The following GMDS variants were observed in gnomAD, a reference collection of about 807,000 sequenced individuals.
GMDS encodes the protein GDP-mannose 4,6-dehydratase.
A neutral mutation model predicts 49.9 loss-of-function variants in GMDS; 20 were observed. That is an observed-to-expected ratio of 0.40 (90% CI 0.28 to 0.58). The LOEUF (loss-of-function observed/expected upper bound fraction) is 0.58, where lower values mean the gene tolerates loss of function less well. Among genes scored for constraint, GMDS ranks in the 20% least tolerant of loss-of-function variants. The pLI, the probability that GMDS is intolerant of heterozygous loss-of-function variation, is 0.42. For missense variants in GMDS, 362 were observed against 481.4 expected (o/e 0.75, Z 2.32); for synonymous variants, 177 against 178.6 (o/e 0.99, Z 0.07).
Position 1,836,350 on chromosome 6 carries a change from A to G in GMDS, c.771+93753T>C, listed in dbSNP as rs1339497695. Among the ~76,000 whole-genome samples, 1 of 152,226 alleles carries G rather than the reference A, an allele frequency of 6.6e-6. No individual in the cohort carries two copies. The highest frequency in any genetic ancestry group is 1.5e-5 in the Non-Finnish European group (1 of 68,042). On this transcript the variant is annotated intron_variant, in intron 7 of 10. Coordinates refer to ENST00000380815, the MANE Select transcript of GMDS (RefSeq NM_001500.4). This position sits in a 1 kb window ranked among gnomAD's most constrained non-coding sequence, Gnocchi z 4.2. ...CCAAATGAAATGCTCACAGATCGGC[A>G]TATGTATGTTACCACGTCACCATCA...
chr6:1,677,112 G>A (rs1257169407), intron 9 of GMDS, among the ~76,000 whole-genome samples: 2 of 152,184 alleles, frequency 1.3e-5, no homozygotes, highest in Non-Finnish European at 2.9e-5. Flanking sequence ...ATCAAAAAGT[G>A]GGCAAAGGAT....
intron 4 of GMDS, among the ~76,000 whole-genome samples, chr6:2,096,742 A>G (rs1181113170): frequency 1.3e-5 from 2 of 152,220 alleles, no homozygotes. Context: ...TATTTGACCT[A>G]TGCCAAAAAG....
intron 9 of GMDS, among the ~76,000 whole-genome samples, chr6:1,663,250 A>G (rs979287831): frequency 6.6e-6 from 1 of 152,212 alleles, no homozygotes; most frequent in African/African-American, 2.4e-5. Flanking sequence ...GATGCTGGGA[A>G]GTGATGGCAA....
chr6:2,039,052 T>C (rs531151710), intron 4 of GMDS, among the ~76,000 whole-genome samples: 5 of 152,224 alleles, frequency 3.3e-5, no homozygotes, highest in Non-Finnish European at 7.3e-5. Flanking sequence ...TACAGCCTAC[T>C]ATACGCCTAG....
intron 4 of GMDS, among the ~76,000 whole-genome samples, chr6:2,031,690 C>G (rs1768974399): frequency 6.6e-6 from 1 of 152,154 alleles, no homozygotes; most frequent in Non-Finnish European, 1.5e-5. Context: ...GGTAGGAAAT[C>G]TGGGCTCAGG....
At chr6:1,920,861 G>A (rs908589281) in intron 7 of GMDS, among the ~76,000 whole-genome samples, 1 of 152,128 alleles carries the variant, frequency 6.6e-6, no homozygotes, top group Admixed American at 6.5e-5. Flanking sequence ...AAAGTGAATA[G>A]CTAACCTAAG....
chr6:1,867,407 T>G (rs1758491481), intron 7 of GMDS, among the ~76,000 whole-genome samples: 1 of 152,222 alleles, frequency 6.6e-6, no homozygotes, highest in Non-Finnish European at 1.5e-5. Flanking sequence ...AAGGTAACGA[T>G]CGGTAGGATG....
At chr6:2,121,295 G>A (rs910749231) in intron 2 of GMDS, among the ~76,000 whole-genome samples, 20 of 152,134 alleles carry the variant, frequency 1.3e-4, no homozygotes, top group Admixed American at 3.9e-4. Context: ...ATCAAAGAGC[G>A]ATTGTCCATA....
chr6:1,934,499 G>A (rs73425558), intron 6 of GMDS, among the ~76,000 whole-genome samples: 1,615 of 152,234 alleles, frequency 0.011, 33 homozygotes, highest in African/African-American at 0.037. Flanking sequence ...TGTGCCTTCC[G>A]ATACATGAAT....
At chr6:1,874,402 G>C (rs939063873) in intron 7 of GMDS, among the ~76,000 whole-genome samples, 1 of 152,170 alleles carries the variant, frequency 6.6e-6, no homozygotes, top group South Asian at 2.1e-4. Context: ...AAAATCCCAT[G>C]TATTATGGGG....
intron 9 of GMDS, among the ~76,000 whole-genome samples, chr6:1,697,216 G>A (rs777842063): frequency 3.4e-4 from 52 of 152,164 alleles, no homozygotes; most frequent in South Asian, 6.2e-4. Context: ...GTGCGTTGAC[G>A]GCAGGTGTCC....
chr6:2,110,576 C>T (rs1774490298), intron 4 of GMDS, among the ~76,000 whole-genome samples: 1 of 152,148 alleles, frequency 6.6e-6, no homozygotes, highest in Admixed American at 6.5e-5. Context: ...CTTGAAGTCC[C>T]ACGTGGAGGA....
chr6:2,241,012 A>T (rs1191433337), intron 1 of GMDS, among the ~76,000 whole-genome samples: 1 of 152,180 alleles, frequency 6.6e-6, no homozygotes, highest in Non-Finnish European at 1.5e-5. Flanking sequence ...GATAAAAGGG[A>T]GCCAGGTGCT....
intron 1 of GMDS, among the ~76,000 whole-genome samples, chr6:2,149,470 T>C (rs1410584160): frequency 6.6e-6 from 1 of 152,172 alleles, no homozygotes; most frequent in Admixed American, 6.5e-5. Context: ...ATAAGGATTA[T>C]GTGAGGCGTC....
chr6:1,749,874 C>G (rs912165436), intron 7 of GMDS, among the ~76,000 whole-genome samples: 5 of 152,118 alleles, frequency 3.3e-5, no homozygotes, highest in African/African-American at 1.2e-4. Context: ...CCCTGTCACC[C>G]AGACTGTAGT....
intron 7 of GMDS, among the ~76,000 whole-genome samples, chr6:1,775,859 G>T (rs918154961): frequency 3.3e-5 from 5 of 151,992 alleles, no homozygotes; most frequent in Non-Finnish European, 4.4e-5. Context: ...TTTTCTTCAA[G>T]TTCTCTAAAT....
At chr6:2,159,001 T>A (rs1040258620) in intron 1 of GMDS, among the ~76,000 whole-genome samples, 9 of 152,228 alleles carry the variant, frequency 5.9e-5, no homozygotes, top group Non-Finnish European at 1.3e-4. Flanking sequence ...GGAAGATAAG[T>A]AATTATGTGC....
chr6:2,048,298 T>A (rs747334852), intron 4 of GMDS, among the ~76,000 whole-genome samples: 2 of 152,218 alleles, frequency 1.3e-5, no homozygotes, highest in Non-Finnish European at 2.9e-5. Flanking sequence ...ATAGATGGTA[T>A]AAGAATTTTT....
At chr6:1,642,208 C>T (rs2113186244) in intron 9 of GMDS, among the ~76,000 whole-genome samples, 1 of 148,376 alleles carries the variant, frequency 6.7e-6, no homozygotes, top group Admixed American at 6.8e-5. Flanking sequence ...ACTCTATCGC[C>T]CAGGCTGGAG....
Sources: allele counts gnomAD v4.1 joint callset (sites outside exome capture counted in the v4.1 genomes callset), GRCh38; gene constraint gnomAD v4.1.1; non-coding constraint Gnocchi (gnomAD v3.1); transcripts MANE v1.5; gene names NCBI Gene and HGNC (gene_info 2026-07-23, HGNC 2026-07-21).